The following WSCD1 variants were observed in gnomAD, a reference collection of about 807,000 sequenced individuals.
WSCD1 encodes the protein sialate:O-sulfotransferase 1.
A neutral mutation model predicts 60.4 loss-of-function variants in WSCD1; 41 were observed. The ratio of observed to expected loss-of-function variants is 0.68; its 90% confidence interval spans 0.53 to 0.88. The LOEUF (loss-of-function observed/expected upper bound fraction) is 0.88. WSCD1 is among the 40% of genes least tolerant of loss of function. WSCD1 has a pLI of 0.00. For synonymous variants in WSCD1, 361 were observed against 332.5 expected, an observed-to-expected ratio of 1.09 and a Z score of -0.93; for missense variants, 784 against 796.2, an observed-to-expected ratio of 0.98 and a Z score of 0.18.
Position 6,080,710 on chromosome 17 carries a change from C to T in WSCD1, c.52C>T (p.Leu18=), listed in dbSNP as rs1021105795. 7 of 1,613,534 alleles carry T rather than the reference C, an allele frequency of 4.3e-6. No homozygotes were observed. The highest frequency in any genetic ancestry group is 1.3e-5 in the African/African-American group (1 of 74,938). ...GAAGTTTCTCCGCCGAACACAGTTC[C>T]TGCTGTTCTTCCTCACGGCTGCCTA... The part of the protein sequence containing the change: ...LQKFLRRTQF[L]LFFLTAAYLM... Residue 18 remains leucine, a synonymous_variant, in exon 2 of 9, where the codon CTG becomes TTG. Transcript: ENST00000317744. The surrounding 1 kb of genome is among the most constrained non-coding windows in gnomAD (Gnocchi z 6.6).
chr17:6,081,144 G>C, intron 2 of WSCD1, 59 bp downstream of exon 2: 1 of 1,477,488 alleles, frequency 6.8e-7, no homozygotes, highest in Non-Finnish European at 9.0e-7. Flanking sequence ...CAGGGTCACA[G>C]GTTTGGTGTC....
intron 2 of WSCD1, among the ~76,000 whole-genome samples, chr17:6,087,263 G>A (rs1909716750): frequency 6.6e-6 from 1 of 152,214 alleles, no homozygotes; most frequent in Non-Finnish European, 1.5e-5. Context: ...GGCTGTGACA[G>A]ACTCTCACTG....
rs370730997 is a variant in WSCD1 at position 6,109,783 on chromosome 17, C to T, written c.1009+17C>T. The stretch of plus-strand genomic sequence containing the variant: ...CTGTGCAAGGTGGGTTCTGCATCCC[C>T]GACTGGTAGTGGCATTTGGTCTGGG... On this transcript the variant is annotated intron_variant, in intron 6 of 8. Coordinates refer to ENST00000317744, the MANE Select transcript of WSCD1 (RefSeq NM_015253.2). The T allele has an allele frequency of 2.7e-5, 44 of 1,603,868 alleles. No homozygotes were observed. Among genetic ancestry groups the T allele is most frequent in the South Asian group, 1.0e-4 (9 of 90,332 alleles).
chr17:6,069,394 T>TGC, upstream of WSCD1: 1 of 266,714 alleles, frequency 3.7e-6, no homozygotes, highest in Non-Finnish European at 6.5e-6. Context: ...TCGGTGCGTG[T>TGC]GTGTGTGTGT....
At position 6,120,597 on chromosome 17, in the gene WSCD1, C is replaced by T. The variant is rs555182532; in HGVS notation, c.1664C>T (p.Thr555Met). Residue 555 changes from threonine to methionine, a missense_variant, in exon 9 of 9, where the codon ACG becomes ATG. Thr to Met is a moderately conservative substitution (Grantham distance 81, BLOSUM62 -1). Coordinates refer to ENST00000317744, the MANE Select transcript of WSCD1 (RefSeq NM_015253.2). Reference sequence around the variant, plus strand: ...GACTTGATCAATGGCTACATCCGGACGGTGGACCAAGCCCTGCGTGACCAC... The same window carrying T: ...GACTTGATCAATGGCTACATCCGGATGGTGGACCAAGCCCTGCGTGACCAC... ...MKDLINGYIR[T>M]VDQALRDHNW... The T allele has an allele frequency of 7.9e-5, 127 of 1,613,564 alleles. No homozygotes were observed. The highest frequency in any genetic ancestry group is 7.1e-4 in the African/African-American group (53 of 75,058).
At chr17:6,098,044 G>A (rs1384025121) in intron 5 of WSCD1, among the ~76,000 whole-genome samples, 1 of 150,858 alleles carries the variant, frequency 6.6e-6, no homozygotes, top group Non-Finnish European at 1.5e-5. Flanking sequence ...TCTGGCTCCT[G>A]GGCTCAAGTG....
chr17:6,070,455 C>G lies in WSCD1; in HGVS notation c.-486C>G, dbSNP rs1908461356. The G allele has an allele frequency of 6.8e-6, 1 of 147,330 alleles. No homozygotes were observed. Among genetic ancestry groups the G allele is most frequent in the East Asian group, 2.0e-4 (1 of 5,086 alleles). The allele number at this position is 147,330 out of a possible 1,614,324, so 9.1% of individuals were successfully genotyped here. Reference sequence around the variant, plus strand: ...CGCCCGCCCGCCCCGCCGTTCAGCCCGGACGCCAGCAGCCCCGGGGAGCCA... The same window carrying G: ...CGCCCGCCCGCCCCGCCGTTCAGCCGGGACGCCAGCAGCCCCGGGGAGCCA... On this transcript the variant is annotated 5_prime_UTR_variant, in exon 1 of 9. Transcript: ENST00000317744.
chr17:6,090,611 C>A, intron 4 of WSCD1, 106 bp downstream of exon 4: 1 of 1,435,646 alleles, frequency 7.0e-7, no homozygotes, highest in Non-Finnish European at 9.3e-7. Context: ...GAACCTGTGC[C>A]AACCTCTGCC....
rs78210334 is a variant in WSCD1 at position 6,090,218 on chromosome 17, A to G, written c.543-103A>G. 3.8e-3 allele frequency: 4,795 copies of G among 1,263,396 alleles called. 130 individuals are homozygous for G. In the African/African-American group the frequency reaches 0.062, roughly 16 times the overall value. The allele number at this position is 1,263,396 out of a possible 1,614,324, so 78.3% of individuals were successfully genotyped here. On this transcript the variant is annotated intron_variant, in intron 3 of 8. Transcript: ENST00000317744. ...ATAATTAAAACAAAAAACAAAAAAAAAACATACTTTCTAATCTACATCAAG... is the reference window on the plus strand; with the variant it reads ...ATAATTAAAACAAAAAACAAAAAAAGAACATACTTTCTAATCTACATCAAG...
chr17:6,082,445 C>T (rs986117047), intron 2 of WSCD1, among the ~76,000 whole-genome samples: 1 of 152,160 alleles, frequency 6.6e-6, no homozygotes, highest in Non-Finnish European at 1.5e-5. Flanking sequence ...GCCTGGGAGA[C>T]ATGGAAGGGA....
chr17:6,111,700 CA>C (rs111930086), intron 7 of WSCD1, among the ~76,000 whole-genome samples: 738 of 41,244 alleles, frequency 0.018, 3 homozygotes, highest in South Asian at 0.035. Flanking sequence ...CACTCCGTCT[CA>C]AAAAAAAAAA....
intron 1 of WSCD1, among the ~76,000 whole-genome samples, chr17:6,076,214 C>G (rs1318255590): frequency 1.3e-5 from 2 of 152,142 alleles, no homozygotes; most frequent in Non-Finnish European, 2.9e-5. Context: ...GCTTCAGAGA[C>G]CTCAGTGCTC....
At chr17:6,106,499 G>A (rs1199778455) in intron 5 of WSCD1, among the ~76,000 whole-genome samples, 1 of 152,186 alleles carries the variant, frequency 6.6e-6, no homozygotes, top group Non-Finnish European at 1.5e-5. Context: ...AAGAAGCCAG[G>A]CACACAAAAA....
At chr17:6,086,908 C>A (rs1241733421) in intron 2 of WSCD1, among the ~76,000 whole-genome samples, 1 of 152,186 alleles carries the variant, frequency 6.6e-6, no homozygotes, top group Admixed American at 6.5e-5. Flanking sequence ...TGGCAGGCTG[C>A]TGGGAGGTCC....
chr17:6,122,436 T>C lies in WSCD1; in HGVS notation c.*1775T>C, dbSNP rs992962487. 6.6e-6 allele frequency: 1 copy of C among 152,258 alleles called. No homozygotes were observed. The highest frequency in any genetic ancestry group is 6.5e-5 in the Admixed American group (1 of 15,290). The allele number at this position is 152,258 out of a possible 1,614,324, so 9.4% of individuals were successfully genotyped here. A position where few individuals can be genotyped will look rare whatever the true frequency, so the allele number is the denominator to read the frequency against. On this transcript the variant is annotated 3_prime_UTR_variant, in exon 9 of 9. Transcript: ENST00000317744. ...GCTCAAAGCTAGAAACACCAAGGTCTTTGAAAATGTTTATTGGCTCAGGAT... is the reference window on the plus strand; with the variant it reads ...GCTCAAAGCTAGAAACACCAAGGTCCTTGAAAATGTTTATTGGCTCAGGAT...
intron 8 of WSCD1, among the ~76,000 whole-genome samples, chr17:6,119,393 A>G (rs1386160736): frequency 6.6e-6 from 1 of 152,144 alleles, no homozygotes; most frequent in Non-Finnish European, 1.5e-5. Context: ...TGCACAGCTG[A>G]GCCTTTGGGT....
At chr17:6,113,766 A>G (rs1248581038) in intron 7 of WSCD1, among the ~76,000 whole-genome samples, 1 of 152,246 alleles carries the variant, frequency 6.6e-6, no homozygotes, top group Non-Finnish European at 1.5e-5. Flanking sequence ...TTATCAGGGA[A>G]ATGCAAATCA....
rs1911340008 is a variant in WSCD1, at chr17:6,110,340, G to A, written c.1010-431G>A. On this transcript the variant is annotated intron_variant, in intron 6 of 8. Coordinates refer to ENST00000317744, the MANE Select transcript of WSCD1 (RefSeq NM_015253.2). This position sits in a 1 kb window ranked among gnomAD's most constrained non-coding sequence, Gnocchi z 4.8. ...AGCAGCCCTGGGGATGAGACATAAC[G>A]AATGACTTGCCTGTCATTAGTCCAG... Among the ~76,000 whole-genome samples the A allele has an allele frequency of 6.6e-6, 1 of 152,192 alleles. No homozygotes were observed. The highest frequency in any genetic ancestry group is 2.1e-4 in the South Asian group (1 of 4,834).
In WSCD1 at chr17:6,110,599, CAG is replaced by C. The variant is rs1911354938; in HGVS notation, c.1010-170_1010-169del. Among the ~76,000 whole-genome samples, 1 of 152,204 alleles carries C rather than the reference CAG, an allele frequency of 6.6e-6. No homozygotes were observed. The highest frequency in any genetic ancestry group is 2.4e-5 in the African/African-American group (1 of 41,440). On this transcript the variant is annotated intron_variant, in intron 6 of 8. Transcript: ENST00000317744. The surrounding 1 kb of genome is among the most constrained non-coding windows in gnomAD (Gnocchi z 4.8). ...TTACGGGGCTTTCTCGGACTGGCCA[CAG>C]ACCTGTGCAGCTAAGGTATATTTGG...
Sources: gnomAD v4.1 joint callset for allele counts (sites outside exome capture counted in the v4.1 genomes callset) on GRCh38, gnomAD v4.1.1 for gene constraint, Gnocchi (gnomAD v3.1) non-coding constraint, MANE v1.5 for transcripts, NCBI Gene and HGNC (gene_info 2026-07-23, HGNC 2026-07-21) for gene names.